Variants in FOXJ3 observed in about 807,000 individuals in gnomAD.
The protein encoded by FOXJ3 is forkhead box J3.
In FOXJ3, 22 loss-of-function variants were observed where a neutral mutation model predicts 76.1. The observed-to-expected ratio is 0.29, with a 90% CI of 0.21 to 0.41. The LOEUF (loss-of-function observed/expected upper bound fraction) is 0.41, where lower values mean the gene tolerates loss of function less well. Ranked by LOEUF, FOXJ3 falls within the 10% of genes least tolerant of loss-of-function variation. The pLI is 1.00. For missense variants in FOXJ3, 613 were observed against 762.1 expected (o/e 0.80, Z 2.30); for synonymous variants, 269 against 261.2 (o/e 1.03, Z -0.29).
chr1:42,316,495 C>T (rs963571346), intron 1 of FOXJ3, among the ~76,000 whole-genome samples: 2 of 151,890 alleles, frequency 1.3e-5, no homozygotes, highest in Non-Finnish European at 2.9e-5. Flanking sequence ...GCTCTCTCCC[C>T]TCTCCCACCT....
At position 42,313,061 on chromosome 1, in the gene FOXJ3, G is replaced by A. The variant is rs183694460; in HGVS notation, c.-17-1951C>T. ...TTTAAAACCTTCATACCGGCTGGGC[G>A]CAGTGGCTCATACCTGTAATCCCAG... is the stretch of plus-strand genomic sequence containing the variant. On this transcript the variant is annotated intron_variant, in intron 1 of 12. Coordinates refer to ENST00000361346, the MANE Select transcript of FOXJ3 (RefSeq NM_014947.5). Among the ~76,000 whole-genome samples, 435 of 152,218 alleles carry A rather than the reference G, an allele frequency of 2.9e-3. 6 individuals are homozygous for A. Among genetic ancestry groups the A allele is most frequent in the East Asian group, 8.9e-3 (46 of 5,176 alleles).
intron 4 of FOXJ3, among the ~76,000 whole-genome samples, chr1:42,236,913 T>A (rs928051397): frequency 1.3e-5 from 2 of 152,232 alleles, no homozygotes; most frequent in African/African-American, 2.4e-5. Flanking sequence ...ATGCTGTACA[T>A]CTTTGCATGT....
intron 5 of FOXJ3, among the ~76,000 whole-genome samples, chr1:42,227,149 T>C (rs1315007136): frequency 6.6e-6 from 1 of 152,206 alleles, no homozygotes; most frequent in South Asian, 2.1e-4. Flanking sequence ...TTATAAAAAT[T>C]CTACAAGAAC....
intron 3 of FOXJ3, among the ~76,000 whole-genome samples, chr1:42,268,084 C>A (rs1007364042): frequency 2.6e-5 from 4 of 151,882 alleles, no homozygotes; most frequent in Non-Finnish European, 5.9e-5. Context: ...AAAAATAATG[C>A]AAGACATCAA....
Position 42,291,079 on chromosome 1 carries a change from T to TAGATAGACAGACAGAC in FOXJ3, c.45-12423_45-12408dup, listed in dbSNP as rs1553167252. On this transcript the variant is annotated intron_variant, in intron 2 of 12. Coordinates refer to ENST00000361346, the MANE Select transcript of FOXJ3 (RefSeq NM_014947.5). ...ATAGATAGATAGATAGATAGATAGA[T>TAGATAGACAGACAGAC]AGATAGACAGACAGACAGACAGATA... 2.8e-3 allele frequency among the ~76,000 whole-genome samples: 351 copies of TAGATAGACAGACAGAC among 125,648 alleles called. 4 individuals are homozygous for TAGATAGACAGACAGAC. The highest frequency in any genetic ancestry group is 1.0e-2 in the African/African-American group (338 of 33,938). 82.4% of individuals were successfully genotyped at this position (125,648 alleles called of 152,430 possible).
chr1:42,254,407 C>T (rs1160992486), intron 4 of FOXJ3, among the ~76,000 whole-genome samples: 1,785 of 146,104 alleles, frequency 0.012, 24 homozygotes, highest in African/African-American at 0.043. Flanking sequence ...GTCAGTGTGG[C>T]GATTCCTCAG....
chr1:42,333,664 C>A (rs773446554), intron 1 of FOXJ3, among the ~76,000 whole-genome samples: 1 of 152,104 alleles, frequency 6.6e-6, no homozygotes, highest in Non-Finnish European at 1.5e-5. Context: ...CGGGAACAAT[C>A]TGTGGTCTCA....
At chr1:42,186,040 T>A (rs551243208) in intron 11 of FOXJ3, among the ~76,000 whole-genome samples, 1 of 152,252 alleles carries the variant, frequency 6.6e-6, no homozygotes, top group South Asian at 2.1e-4. Flanking sequence ...ATCTGTTAAA[T>A]AAAGGGATAA....
intron 4 of FOXJ3, among the ~76,000 whole-genome samples, chr1:42,258,579 C>G (rs17377240): frequency 0.2 from 30,232 of 152,020 alleles, 3,736 homozygotes; most frequent in Admixed American, 0.26. Context: ...CTTGAAATAC[C>G]CTTTTTGAAC....
At chr1:42,184,063 C>T (rs188098064) in intron 11 of FOXJ3, among the ~76,000 whole-genome samples, 38 of 152,214 alleles carry the variant, frequency 2.5e-4, no homozygotes, top group Admixed American at 1.2e-3. Context: ...AATACTGGTA[C>T]GAGTGACGTG....
intron 5 of FOXJ3, among the ~76,000 whole-genome samples, chr1:42,223,261 A>G (rs1454658468): frequency 6.6e-6 from 1 of 152,188 alleles, no homozygotes; most frequent in Non-Finnish European, 1.5e-5. Context: ...TTGCAACACC[A>G]TCTGTATCTA....
intron 4 of FOXJ3, among the ~76,000 whole-genome samples, chr1:42,253,868 A>C (rs565625832): frequency 1.6e-3 from 249 of 152,150 alleles, no homozygotes; most frequent in Non-Finnish European, 3.0e-3. Flanking sequence ...CCCTAGAAGA[A>C]AACCTAGGCA....
chr1:42,181,768 G>A (rs1048542387), intron 12 of FOXJ3, 149 bp downstream of exon 12: 3 of 533,482 alleles, frequency 5.6e-6, no homozygotes, highest in Non-Finnish European at 9.8e-6. Context: ...GGTAACAACT[G>A]ACACACACAC....
At chr1:42,236,016 C>T (rs1002221724) in intron 4 of FOXJ3, among the ~76,000 whole-genome samples, 1 of 152,166 alleles carries the variant, frequency 6.6e-6, no homozygotes, top group Admixed American at 6.5e-5. Context: ...CTTTGCTCTT[C>T]CTTGTTAGAC....
chr1:42,211,771 C>A (rs979043895), intron 5 of FOXJ3, among the ~76,000 whole-genome samples: 1 of 152,124 alleles, frequency 6.6e-6, no homozygotes, highest in Non-Finnish European at 1.5e-5. Context: ...TCTGAGAAAG[C>A]CACTACACAA....
chr1:42,334,358 T>C (rs547855640), intron 1 of FOXJ3, among the ~76,000 whole-genome samples: 1 of 151,972 alleles, frequency 6.6e-6, no homozygotes, highest in East Asian at 1.9e-4. Flanking sequence ...CCGGAGGAAA[T>C]CACAGAGGAA....
intron 3 of FOXJ3, among the ~76,000 whole-genome samples, chr1:42,271,044 C>G (rs931064609): frequency 2.6e-5 from 4 of 152,182 alleles, no homozygotes; most frequent in African/African-American, 9.7e-5. Context: ...AACTTCTTCC[C>G]TCCCAGCTTC....
chr1:42,328,918 C>T (rs533308496), intron 1 of FOXJ3, among the ~76,000 whole-genome samples: 7 of 152,070 alleles, frequency 4.6e-5, no homozygotes, highest in Non-Finnish European at 1.0e-4. Context: ...CCGCCTGCCT[C>T]GGCCTCCCAA....
At chr1:42,328,840 T>C (rs552710217) in intron 1 of FOXJ3, among the ~76,000 whole-genome samples, 2 of 152,248 alleles carry the variant, frequency 1.3e-5, no homozygotes, top group East Asian at 3.9e-4. Flanking sequence ...CTTATTTTTG[T>C]ATTTTTAGTA....
Sources: gnomAD v4.1 joint callset for allele counts (sites outside exome capture counted in the v4.1 genomes callset) on GRCh38, gnomAD v4.1.1 for gene constraint, MANE v1.5 for transcripts, NCBI Gene and HGNC (gene_info 2026-07-23, HGNC 2026-07-21) for gene names.